The following PPM1E variants were observed in gnomAD, a reference collection of about 807,000 sequenced individuals.
PPM1E encodes the protein protein phosphatase 1E.
PPM1E carries 20 observed loss-of-function variants against 65.9 expected under a neutral mutation model. The observed-to-expected ratio is 0.30, with a 90% CI of 0.21 to 0.44. The LOEUF is 0.44. Among genes scored for constraint, PPM1E ranks in the 20% least tolerant of loss-of-function variants. The pLI is 1.00. For missense variants in PPM1E, 713 were observed against 953.1 expected, an observed-to-expected ratio of 0.75 and a Z score of 3.32; for synonymous variants, 352 against 374.9, an observed-to-expected ratio of 0.94 and a Z score of 0.70.
At chr17:58,939,070 G>T (rs2052024922) in intron 1 of PPM1E, among the ~76,000 whole-genome samples, 1 of 151,994 alleles carries the variant, frequency 6.6e-6, no homozygotes, top group Non-Finnish European at 1.5e-5. Flanking sequence ...TTACAGGTGT[G>T]CACCACCACG....
intron 1 of PPM1E, among the ~76,000 whole-genome samples, chr17:58,896,259 T>A (rs2051415466): frequency 6.6e-6 from 1 of 152,084 alleles, no homozygotes; most frequent in African/African-American, 2.4e-5. Context: ...CTAACTCTCT[T>A]CAATTGTACA....
chr17:58,966,436 A>AC, intron 3 of PPM1E: 1 of 311,298 alleles, frequency 3.2e-6, no homozygotes, highest in Non-Finnish European at 6.1e-6. Context: ...AAAAAAAAAA[A>AC]AAAAACCCAA....
chr17:58,812,410 T>C (rs977299206), intron 1 of PPM1E, among the ~76,000 whole-genome samples: 1 of 151,836 alleles, frequency 6.6e-6, no homozygotes, highest in Non-Finnish European at 1.5e-5. Flanking sequence ...AGTAGTTCTG[T>C]CATAAGAAAA....
At chr17:58,854,123 G>T (rs1461495565) in intron 1 of PPM1E, among the ~76,000 whole-genome samples, 2 of 151,798 alleles carry the variant, frequency 1.3e-5, no homozygotes, top group Non-Finnish European at 1.5e-5. Flanking sequence ...TCATTGTATT[G>T]CTTCTTTGGT....
At chr17:58,835,570 A>G (rs943837022) in intron 1 of PPM1E, among the ~76,000 whole-genome samples, 2 of 152,112 alleles carry the variant, frequency 1.3e-5, no homozygotes, top group African/African-American at 2.4e-5. Context: ...CTGTAATCCC[A>G]GCATTTAGGA....
In PPM1E at chr17:58,836,568, G is replaced by A. The variant is rs139929229; in HGVS notation, c.464+80107G>A. Among the ~76,000 whole-genome samples the A allele has an allele frequency of 3.0e-3, 457 of 151,034 alleles. 2 individuals carry two copies. Among genetic ancestry groups the A allele is most frequent in the African/African-American group, 0.011 (441 of 41,352 alleles). On this transcript the variant is annotated intron_variant, in intron 1 of 6. Coordinates refer to ENST00000308249, the MANE Select transcript of PPM1E (RefSeq NM_014906.5). ...CAACCTCTGCCGCCCAGGTTCAAGC[G>A]ATTCTTTTGCCTCAGCCTCCTGAGT...
intron 1 of PPM1E, among the ~76,000 whole-genome samples, chr17:58,822,078 T>C (rs1330412475): frequency 2.0e-5 from 3 of 152,124 alleles, no homozygotes; most frequent in African/African-American, 7.2e-5. Flanking sequence ...GGAAGGAATC[T>C]GGCAGGAAGA....
chr17:58,807,654 A>G (rs1305234780), intron 1 of PPM1E, among the ~76,000 whole-genome samples: 2 of 152,236 alleles, frequency 1.3e-5, no homozygotes, highest in Non-Finnish European at 2.9e-5. Flanking sequence ...GGGAGAAGAT[A>G]CTTATAACAC....
chr17:58,959,038 G>A (rs926658249), intron 2 of PPM1E, among the ~76,000 whole-genome samples: 7 of 152,146 alleles, frequency 4.6e-5, no homozygotes, highest in Non-Finnish European at 7.3e-5. Context: ...GGCCTGGTGT[G>A]GTGGCTACGT....
chr17:58,817,629 T>C (rs7218759), intron 1 of PPM1E, among the ~76,000 whole-genome samples: 1,704 of 152,334 alleles, frequency 0.011, 20 homozygotes, highest in Non-Finnish European at 0.016. Context: ...AAATAAATCA[T>C]GTTACTTCTC....
At chr17:58,912,399 AT>A in intron 1 of PPM1E, among the ~76,000 whole-genome samples, 1 of 152,362 alleles carries the variant, frequency 6.6e-6, no homozygotes, top group Non-Finnish European at 1.5e-5. Flanking sequence ...GATATGAACC[AT>A]ACGACTGTCT....
chr17:58,911,359 C>T (rs966127938), intron 1 of PPM1E, among the ~76,000 whole-genome samples: 11 of 152,024 alleles, frequency 7.2e-5, no homozygotes, highest in Non-Finnish European at 1.5e-5. Flanking sequence ...ATTTTTTTCT[C>T]TTTATTTTAA....
chr17:58,794,785 C>T (rs2050190078), intron 1 of PPM1E, among the ~76,000 whole-genome samples: 2 of 151,980 alleles, frequency 1.3e-5, no homozygotes, highest in Admixed American at 1.3e-4. Flanking sequence ...AGTGTATATA[C>T]ACCACATTTT....
intron 1 of PPM1E, among the ~76,000 whole-genome samples, chr17:58,946,104 G>T (rs1224077338): frequency 6.6e-6 from 1 of 151,904 alleles, no homozygotes; most frequent in Non-Finnish European, 1.5e-5. Flanking sequence ...CTATCCAGTA[G>T]CCCACCAAGA....
chr17:58,942,505 C>T (rs554377095), intron 1 of PPM1E, among the ~76,000 whole-genome samples: 33 of 152,272 alleles, frequency 2.2e-4, no homozygotes, highest in African/African-American at 7.9e-4. Context: ...TATTTGGACT[C>T]ATCTAGACCT....
At chr17:58,822,967 G>A (rs762453536) in intron 1 of PPM1E, among the ~76,000 whole-genome samples, 3 of 152,088 alleles carry the variant, frequency 2.0e-5, no homozygotes, top group African/African-American at 4.8e-5. Flanking sequence ...AGGCAGCAAA[G>A]TATTGTGAAA....
chr17:58,930,399 G>C (rs1178126039), intron 1 of PPM1E, among the ~76,000 whole-genome samples: 1 of 152,058 alleles, frequency 6.6e-6, no homozygotes, highest in African/African-American at 2.4e-5. Context: ...AGGAGGTCAA[G>C]TCTGTAGTGA....
intron 2 of PPM1E, among the ~76,000 whole-genome samples, chr17:58,965,450 G>A (rs962681100): frequency 6.6e-6 from 1 of 152,098 alleles, no homozygotes; most frequent in Non-Finnish European, 1.5e-5. Context: ...GTCCAGCCCT[G>A]GCCAAAGGTT....
At chr17:58,912,019 T>G (rs1356118206) in intron 1 of PPM1E, among the ~76,000 whole-genome samples, 1 of 152,118 alleles carries the variant, frequency 6.6e-6, no homozygotes, top group Non-Finnish European at 1.5e-5. Context: ...CCTAACGCAG[T>G]CCCTATCCCT....
Sources: allele counts gnomAD v4.1 joint callset (sites outside exome capture counted in the v4.1 genomes callset), GRCh38; gene constraint gnomAD v4.1.1; transcripts MANE v1.5; gene names NCBI Gene and HGNC (gene_info 2026-07-23, HGNC 2026-07-21).